The following EHBP1 variants were observed in gnomAD, a reference collection of about 807,000 sequenced individuals.
The protein encoded by EHBP1 is EH domain binding protein 1.
In EHBP1, 55 loss-of-function variants were observed where a neutral mutation model predicts 144.0. The ratio of observed to expected loss-of-function variants is 0.38; its 90% confidence interval spans 0.31 to 0.48. The LOEUF (loss-of-function observed/expected upper bound fraction) is 0.48. Ranked by LOEUF, EHBP1 falls within the 20% of genes least tolerant of loss-of-function variation. The probability of loss-of-function intolerance (pLI) is 0.98; values close to 1 mark genes in which losing one functional copy is unlikely to be tolerated. For missense variants in EHBP1, 1,200 were observed against 1,364.2 expected (o/e 0.88, Z 1.90); for synonymous variants, 469 against 472.7 (o/e 0.99, Z 0.10).
chr2:62,876,558 G>A (rs142596122), intron 10 of EHBP1, among the ~76,000 whole-genome samples: 2 of 152,130 alleles, frequency 1.3e-5, no homozygotes, highest in African/African-American at 2.4e-5. Context: ...GTATTAGTCT[G>A]TTCTCACATT....
At chr2:62,738,039 A>G (rs1013345138) in intron 2 of EHBP1, among the ~76,000 whole-genome samples, 4 of 152,164 alleles carry the variant, frequency 2.6e-5, no homozygotes, top group African/African-American at 7.2e-5. Context: ...TGTTGGGATT[A>G]TAGGCACGAG....
At chr2:62,710,548 G>T (rs1045089104) in intron 2 of EHBP1, among the ~76,000 whole-genome samples, 2 of 151,068 alleles carry the variant, frequency 1.3e-5, no homozygotes, top group Non-Finnish European at 3.0e-5. Flanking sequence ...TATTAAATAG[G>T]CAGTACAATC....
intron 7 of EHBP1, among the ~76,000 whole-genome samples, chr2:62,844,375 C>T (rs1374868162): frequency 6.6e-6 from 1 of 152,128 alleles, no homozygotes; most frequent in Non-Finnish European, 1.5e-5. Context: ...TCTATAGATA[C>T]ATTTTACTGA....
intron 2 of EHBP1, among the ~76,000 whole-genome samples, chr2:62,721,746 A>G (rs1293928565): frequency 6.6e-6 from 1 of 152,130 alleles, no homozygotes; most frequent in East Asian, 1.9e-4. Context: ...TTTGTCCTTT[A>G]TTCCTCATTT....
At chr2:62,903,903 C>T (rs2053604221) in intron 10 of EHBP1, among the ~76,000 whole-genome samples, 1 of 152,198 alleles carries the variant, frequency 6.6e-6, no homozygotes, top group Non-Finnish European at 1.5e-5. Flanking sequence ...AATAGGTCCT[C>T]ACCTCCTTCT....
In EHBP1 at chr2:62,759,479, C is replaced by T. The variant is rs2040584045; in HGVS notation, c.163-4787C>T. Among the ~76,000 whole-genome samples the T allele has an allele frequency of 3.9e-5, 6 of 152,228 alleles. No homozygotes were observed. The South Asian group carries it at 1.2e-3, about 32-fold the overall frequency. On this transcript the variant is annotated intron_variant, in intron 3 of 22. Transcript: ENST00000431489. ...GGAGTGCAGTGGCGTGATCTTGGCT[C>T]ACTGTAGCCTCCACCTCCCTGGTTC... is the stretch of plus-strand genomic sequence containing the variant.
chr2:62,799,582 A>G (rs2043824681), intron 5 of EHBP1, among the ~76,000 whole-genome samples: 1 of 152,218 alleles, frequency 6.6e-6, no homozygotes, highest in Non-Finnish European at 1.5e-5. Context: ...AATCTAAAGA[A>G]AGAAGATCCT....
intron 5 of EHBP1, among the ~76,000 whole-genome samples, chr2:62,781,644 C>G (rs1251136349): frequency 6.6e-6 from 1 of 152,146 alleles, no homozygotes; most frequent in African/African-American, 2.4e-5. Context: ...GAGCAGAGGT[C>G]TGGAGGCAAG....
intron 6 of EHBP1, 129 bp from the exon 7 acceptor site, chr2:62,830,890 T>G: frequency 1.1e-6 from 1 of 878,758 alleles, no homozygotes; most frequent in Non-Finnish European, 1.7e-6. Context: ...TCAATATTCT[T>G]GTGCAACTGA....
chr2:62,708,814 A>G (rs2034846718), intron 2 of EHBP1, among the ~76,000 whole-genome samples: 1 of 152,200 alleles, frequency 6.6e-6, no homozygotes, highest in East Asian at 1.9e-4. Flanking sequence ...GCAACAACCT[A>G]TGCAGAAACA....
At chr2:62,817,574 T>C (rs1039030582) in intron 5 of EHBP1, among the ~76,000 whole-genome samples, 1 of 152,152 alleles carries the variant, frequency 6.6e-6, no homozygotes, top group Non-Finnish European at 1.5e-5. Context: ...GTGGGGCAAT[T>C]GAAGGCTTTT....
chr2:62,800,028 G>A (rs1043292000), intron 5 of EHBP1, among the ~76,000 whole-genome samples: 3 of 152,156 alleles, frequency 2.0e-5, no homozygotes, highest in Non-Finnish European at 4.4e-5. Context: ...AGGTGAAAAC[G>A]TGCTGTCTGG....
At chr2:62,914,445 C>T (rs942089593) in intron 10 of EHBP1, among the ~76,000 whole-genome samples, 2 of 151,924 alleles carry the variant, frequency 1.3e-5, no homozygotes, top group African/African-American at 2.4e-5. Flanking sequence ...TTCAAAAATA[C>T]GTGAATATAA....
chr2:62,996,957 C>T (rs1008765761), intron 19 of EHBP1, among the ~76,000 whole-genome samples, 191 bp downstream of exon 19: 12 of 152,026 alleles, frequency 7.9e-5, no homozygotes, highest in Admixed American at 7.9e-4. Flanking sequence ...AGTGATAACT[C>T]GCCCTGATAC....
intron 5 of EHBP1, among the ~76,000 whole-genome samples, chr2:62,814,257 G>C (rs2045275036): frequency 6.6e-6 from 1 of 152,202 alleles, no homozygotes; most frequent in Non-Finnish European, 1.5e-5. Context: ...GAGTGGGTTT[G>C]TTATAAAAGC....
At chr2:62,774,200 G>A (rs3927201) in intron 5 of EHBP1, among the ~76,000 whole-genome samples, 51,936 of 151,560 alleles carry the variant, frequency 0.34, 8,961 homozygotes, top group Middle Eastern at 0.54. Flanking sequence ...GTGAAACAGC[G>A]TCTCTACTAA....
intron 7 of EHBP1, among the ~76,000 whole-genome samples, chr2:62,845,397 C>G (rs773620320): frequency 6.3e-4 from 96 of 152,054 alleles, no homozygotes; most frequent in Non-Finnish European, 1.3e-3. Context: ...ACATATTTGG[C>G]TACCTTCAGG....
chr2:62,942,098 T>G (rs1193964039), intron 10 of EHBP1, among the ~76,000 whole-genome samples: 1 of 152,164 alleles, frequency 6.6e-6, no homozygotes, highest in African/African-American at 2.4e-5. Context: ...ATTTTGAGCA[T>G]ATCCAAAATA....
chr2:62,975,887 T>TATACACACAC (rs1446154644), intron 14 of EHBP1, among the ~76,000 whole-genome samples: 60 of 123,752 alleles, frequency 4.8e-4, no homozygotes, highest in African/African-American at 1.8e-3. Context: ...TTACTGTATG[T>TATACACACAC]ACACACACAC....
Sources: allele counts gnomAD v4.1 joint callset (sites outside exome capture counted in the v4.1 genomes callset), GRCh38; gene constraint gnomAD v4.1.1; transcripts MANE v1.5; gene names NCBI Gene and HGNC (gene_info 2026-07-23, HGNC 2026-07-21).